The following GPC6 variants were observed in gnomAD, a reference collection of about 807,000 sequenced individuals.
The protein encoded by GPC6 is glypican-6.
A neutral mutation model predicts 55.2 loss-of-function variants in GPC6; 14 were observed. The ratio of observed to expected loss-of-function variants is 0.25; its 90% CI spans 0.17 to 0.40. The LOEUF (loss-of-function observed/expected upper bound fraction) is 0.40. Among genes scored for constraint, GPC6 ranks in the 10% least tolerant of loss-of-function variants. The probability of loss-of-function intolerance (pLI) is 1.00; values close to 1 mark genes in which losing one functional copy is unlikely to be tolerated. For synonymous variants in GPC6, 278 were observed against 259.6 expected, an observed-to-expected ratio of 1.07 and a Z score of -0.68; for missense variants, 641 against 708.5, an observed-to-expected ratio of 0.90 and a Z score of 1.08.
intron 1 of GPC6, among the ~76,000 whole-genome samples, chr13:93,441,860 C>A (rs1877817151): frequency 6.6e-6 from 1 of 152,064 alleles, no homozygotes; most frequent in Non-Finnish European, 1.5e-5. Flanking sequence ...GCAGCCTTGA[C>A]AGGGAGGCAA....
chr13:94,022,469 C>G (rs1882733964), intron 3 of GPC6, among the ~76,000 whole-genome samples: 1 of 151,918 alleles, frequency 6.6e-6, no homozygotes, highest in Non-Finnish European at 1.5e-5. Context: ...ATACCAACTT[C>G]TTTATCCATT....
intron 4 of GPC6, among the ~76,000 whole-genome samples, chr13:94,067,298 T>C (rs1884552170): frequency 6.6e-6 from 1 of 152,172 alleles, no homozygotes; most frequent in Non-Finnish European, 1.5e-5. Flanking sequence ...ACTCAGTCCT[T>C]TGTTTTACTG....
intron 4 of GPC6, among the ~76,000 whole-genome samples, chr13:94,266,547 C>T (rs1252423834): frequency 6.6e-6 from 1 of 152,028 alleles, no homozygotes; most frequent in African/African-American, 2.4e-5. Flanking sequence ...CCCACCCTCC[C>T]TCAGTCTTTC....
At chr13:94,160,357 C>T (rs1173017885) in intron 4 of GPC6, among the ~76,000 whole-genome samples, 1 of 152,126 alleles carries the variant, frequency 6.6e-6, no homozygotes, top group Admixed American at 6.5e-5. Context: ...GGAGAGATTA[C>T]TATATGTATC....
chr13:94,174,083 C>G (rs950077044), intron 4 of GPC6, among the ~76,000 whole-genome samples: 2 of 152,026 alleles, frequency 1.3e-5, no homozygotes, highest in African/African-American at 2.4e-5. Flanking sequence ...AAATAAGTGA[C>G]AAAAATGAAT....
intron 3 of GPC6, among the ~76,000 whole-genome samples, chr13:93,919,610 A>G (rs1209811615): frequency 6.6e-6 from 1 of 152,232 alleles, no homozygotes; most frequent in African/African-American, 2.4e-5. Flanking sequence ...GGAAGCATTA[A>G]TGAATGCTTT....
chr13:94,303,293 G>C (rs1875761530), intron 5 of GPC6, among the ~76,000 whole-genome samples: 1 of 152,124 alleles, frequency 6.6e-6, no homozygotes, highest in Admixed American at 6.5e-5. Context: ...TAGATGATTG[G>C]CTATTTCTTT....
intron 1 of GPC6, among the ~76,000 whole-genome samples, chr13:93,446,599 T>C (rs944148050): frequency 6.6e-6 from 1 of 152,182 alleles, no homozygotes; most frequent in Non-Finnish European, 1.5e-5. Context: ...GCATGATGAC[T>C]ACAACCCGTT....
At chr13:94,234,593 TC>T (rs757361921) in intron 4 of GPC6, among the ~76,000 whole-genome samples, 26 of 151,972 alleles carry the variant, frequency 1.7e-4, no homozygotes, top group Admixed American at 4.6e-4. Flanking sequence ...TTCTGATATG[TC>T]CAGATAGTTA....
chr13:93,897,740 T>C (rs754322211), intron 3 of GPC6, among the ~76,000 whole-genome samples: 52 of 152,076 alleles, frequency 3.4e-4, no homozygotes, highest in Non-Finnish European at 6.2e-4. Context: ...CCCCCATCTG[T>C]TAAAAATCAC....
At chr13:94,156,704 A>G (rs1435828874) in intron 4 of GPC6, among the ~76,000 whole-genome samples, 1 of 152,192 alleles carries the variant, frequency 6.6e-6, no homozygotes, top group Non-Finnish European at 1.5e-5. Context: ...GAATAAAACA[A>G]TAAGTGTGCC....
the GPC6 span, among the ~76,000 whole-genome samples, chr13:93,220,467 G>A: frequency 2.5e-4 from 38 of 152,260 alleles, no homozygotes; most frequent in East Asian, 1.9e-3. Context: ...AAAGTTAGAC[G>A]ATCTTTTATT....
chr13:93,544,957 C>T (rs1202015670), intron 1 of GPC6, among the ~76,000 whole-genome samples: 1 of 152,008 alleles, frequency 6.6e-6, no homozygotes, highest in Non-Finnish European at 1.5e-5. Flanking sequence ...TGTTGTATCA[C>T]CTGATGTTTA....
intron 2 of GPC6, among the ~76,000 whole-genome samples, chr13:93,680,663 G>C (rs1333787466): frequency 6.6e-6 from 1 of 152,080 alleles, no homozygotes; most frequent in Admixed American, 6.6e-5. Context: ...ACGCTTATAT[G>C]GTCCAGTCTG....
At chr13:94,278,331 T>C (rs1892273267) in intron 4 of GPC6, among the ~76,000 whole-genome samples, 1 of 152,188 alleles carries the variant, frequency 6.6e-6, no homozygotes, top group African/African-American at 2.4e-5. Context: ...TTAAGGAGTT[T>C]TTGGGCTGAG....
intron 2 of GPC6, among the ~76,000 whole-genome samples, chr13:93,688,123 C>A (rs1208466860): frequency 6.6e-6 from 1 of 151,912 alleles, no homozygotes; most frequent in Non-Finnish European, 1.5e-5. Context: ...TTGCTGTCAA[C>A]GTTTCAATTT....
chr13:94,289,646 G>T (rs1269260615), intron 5 of GPC6, among the ~76,000 whole-genome samples: 4 of 152,142 alleles, frequency 2.6e-5, no homozygotes, highest in African/African-American at 7.2e-5. Context: ...ATTGCTACTG[G>T]TTCCCTATGT....
chr13:93,331,411 CT>C (rs1218329006), intron 1 of GPC6, among the ~76,000 whole-genome samples: 5 of 152,094 alleles, frequency 3.3e-5, no homozygotes, highest in Non-Finnish European at 7.4e-5. Context: ...CCCTTTGGCT[CT>C]CTTTCTTAAG....
At chr13:94,254,867 T>G (rs1449295965) in intron 4 of GPC6, among the ~76,000 whole-genome samples, 1 of 152,202 alleles carries the variant, frequency 6.6e-6, no homozygotes, top group Non-Finnish European at 1.5e-5. Flanking sequence ...TCTCCTCATC[T>G]GCAACATAAG....
Sources: gnomAD v4.1 joint callset for allele counts (sites outside exome capture counted in the v4.1 genomes callset) on GRCh38, gnomAD v4.1.1 for gene constraint, MANE v1.5 for transcripts, NCBI Gene and HGNC (gene_info 2026-07-23, HGNC 2026-07-21) for gene names.